The following IL1RAP variants were observed in gnomAD, a reference collection of about 807,000 sequenced individuals.
IL1RAP encodes interleukin-1 receptor accessory protein.
In IL1RAP, 35 loss-of-function variants were observed where a neutral mutation model predicts 60.7. The observed-to-expected ratio is 0.58, with a 90% CI of 0.44 to 0.76. IL1RAP has a LOEUF of 0.76. IL1RAP is among the 30% of genes least tolerant of loss of function. The probability of loss-of-function intolerance (pLI) is 0.00; values close to 1 mark genes in which losing one functional copy is unlikely to be tolerated. For synonymous variants in IL1RAP, 268 were observed against 250.9 expected (o/e 1.07, Z -0.64); for missense variants, 572 against 693.9 (o/e 0.82, Z 1.97).
At chr3:190,602,340 A>T (rs1200657960) in intron 3 of IL1RAP, among the ~76,000 whole-genome samples, 1 of 152,192 alleles carries the variant, frequency 6.6e-6, no homozygotes, top group African/African-American at 2.4e-5. Context: ...TAGCCCTTCT[A>T]TATTACTAAG....
chr3:190,634,349 C>T (rs113276849), intron 9 of IL1RAP, among the ~76,000 whole-genome samples: 2 of 146,162 alleles, frequency 1.4e-5, no homozygotes, highest in African/African-American at 2.6e-5. Context: ...AGTACAGTGG[C>T]GCGATCTCGG....
chr3:190,575,842 C>T (rs189637218), intron 3 of IL1RAP, among the ~76,000 whole-genome samples: 2 of 152,322 alleles, frequency 1.3e-5, no homozygotes, highest in Admixed American at 1.3e-4. Context: ...CTAAACACCC[C>T]TTTTGCTGTA....
At chr3:190,636,933 TCTTC>T (rs1408742446) in intron 9 of IL1RAP, among the ~76,000 whole-genome samples, 11 of 152,202 alleles carry the variant, frequency 7.2e-5, no homozygotes, top group African/African-American at 2.7e-4. Flanking sequence ...AGCTTTTGGC[TCTTC>T]CTTTTTGTTT....
At chr3:190,566,759 CAAA>C (rs1031297514) in intron 3 of IL1RAP, among the ~76,000 whole-genome samples, 23 of 152,126 alleles carry the variant, frequency 1.5e-4, no homozygotes, top group African/African-American at 5.6e-4. Context: ...ATGTTGTTGA[CAAA>C]AACGAAAAGA....
At chr3:190,632,995 A>T (rs1248927117) in intron 9 of IL1RAP, among the ~76,000 whole-genome samples, 1 of 152,202 alleles carries the variant, frequency 6.6e-6, no homozygotes, top group Non-Finnish European at 1.5e-5. Context: ...TAGTTTTAAA[A>T]TTTAAAGTAA....
intron 2 of IL1RAP, chr3:190,564,043 A>G: frequency 2.1e-6 from 1 of 473,810 alleles, no homozygotes; most frequent in African/African-American, 1.9e-5. Flanking sequence ...TAGTTATGTT[A>G]TTTAAACCTG....
intron 1 of IL1RAP, among the ~76,000 whole-genome samples, chr3:190,555,318 C>CTTCTCTACTCCGCTTCT (rs1293179716): frequency 1.3e-5 from 2 of 152,156 alleles, no homozygotes; most frequent in East Asian, 3.9e-4. Context: ...ACTCCGCTTC[C>CTTCTCTACTCCGCTTCT]TTCTCTACTC....
exon 12 of IL1RAP, chr3:190,657,094 A>T (rs1434431344): frequency 6.6e-6 from 1 of 152,648 alleles, no homozygotes; most frequent in African/African-American, 2.4e-5. Context: ...AAAGAACCAA[A>T]CATACCCACC....
intron 3 of IL1RAP, among the ~76,000 whole-genome samples, chr3:190,565,431 T>C (rs1726299981): frequency 6.6e-6 from 1 of 152,226 alleles, no homozygotes; most frequent in South Asian, 2.1e-4. Context: ...GTTTTTCATA[T>C]GACATGGATT....
At chr3:190,515,086 T>A (rs1317820371) in intron 1 of IL1RAP, among the ~76,000 whole-genome samples, 1 of 152,254 alleles carries the variant, frequency 6.6e-6, no homozygotes, top group East Asian at 1.9e-4. Flanking sequence ...AGCATTCTGC[T>A]GCTCTGCTGT....
chr3:190,553,440 AT>A (rs551559964), intron 1 of IL1RAP, among the ~76,000 whole-genome samples: 32 of 152,220 alleles, frequency 2.1e-4, no homozygotes, highest in African/African-American at 6.3e-4. Flanking sequence ...AAAGAAAAAA[AT>A]TTTTTTTAAT....
intron 1 of IL1RAP, among the ~76,000 whole-genome samples, chr3:190,548,275 A>G (rs551203582): frequency 6.6e-6 from 1 of 152,298 alleles, no homozygotes; most frequent in East Asian, 1.9e-4. Context: ...CTGTGAATCC[A>G]TATGTAAAAT....
chr3:190,590,403 C>T (rs942690275), intron 3 of IL1RAP, among the ~76,000 whole-genome samples: 4 of 151,964 alleles, frequency 2.6e-5, no homozygotes, highest in African/African-American at 4.8e-5. Context: ...CTACAGGTGC[C>T]CACCACATTC....
chr3:190,608,884 T>C, intron 4 of IL1RAP, 111 bp from the exon 5 acceptor site: 1 of 741,082 alleles, frequency 1.3e-6, no homozygotes, highest in South Asian at 1.9e-5. Context: ...AACTTACATG[T>C]ATAAATGATG....
intron 3 of IL1RAP, among the ~76,000 whole-genome samples, chr3:190,599,297 G>A (rs1455885790): frequency 6.6e-6 from 1 of 152,118 alleles, no homozygotes; most frequent in Non-Finnish European, 1.5e-5. Context: ...CTGATAAGGA[G>A]GACATGGTAA....
At chr3:190,534,790 A>G (rs1723289463) in intron 1 of IL1RAP, among the ~76,000 whole-genome samples, 1 of 152,026 alleles carries the variant, frequency 6.6e-6, no homozygotes, top group Admixed American at 6.5e-5. Flanking sequence ...GACCTCATGA[A>G]AGTCACCTCT....
intron 9 of IL1RAP, among the ~76,000 whole-genome samples, chr3:190,643,362 G>T (rs71310875): frequency 0.046 from 6,968 of 152,200 alleles, 225 homozygotes; most frequent in Non-Finnish European, 0.059. Flanking sequence ...TCTTCCTGAT[G>T]TTTTTGATGA....
chr3:190,584,479 G>T (rs771204854), intron 3 of IL1RAP, among the ~76,000 whole-genome samples: 1 of 152,122 alleles, frequency 6.6e-6, no homozygotes, highest in Non-Finnish European at 1.5e-5. Context: ...CTGTATTCCC[G>T]TCTTCAATGA....
At chr3:190,658,933 C>A (rs1734698174) in exon 12 of IL1RAP, 1 of 152,174 alleles carries the variant, frequency 6.6e-6, no homozygotes, top group African/African-American at 2.4e-5. Flanking sequence ...TAGCACAACC[C>A]AAAGGCCTTG....
Sources: allele counts gnomAD v4.1 joint callset (sites outside exome capture counted in the v4.1 genomes callset), GRCh38; gene constraint gnomAD v4.1.1; transcripts MANE v1.5; gene names NCBI Gene and HGNC (gene_info 2026-07-23, HGNC 2026-07-21).